CELSR1: variants seen among roughly 807,000 people sequenced by gnomAD.
The protein encoded by CELSR1 is adhesion G protein-coupled receptor C1.
Under a neutral mutation model 249.1 loss-of-function variants are expected in CELSR1, and 110 were observed. The observed-to-expected ratio is 0.44, with a 90% CI of 0.38 to 0.52. CELSR1 has a LOEUF of 0.52. Among genes scored for constraint, CELSR1 ranks in the 20% least tolerant of loss-of-function variants. The pLI is 0.00. For synonymous variants in CELSR1, 2,113 were observed against 1,900.0 expected (o/e 1.11, Z -2.92); for missense variants, 4,109 against 4,296.4 (o/e 0.96, Z 1.22).
chr22:46,523,716 T>C (rs1368612341), intron 1 of CELSR1, among the ~76,000 whole-genome samples: 4 of 152,104 alleles, frequency 2.6e-5, no homozygotes, highest in African/African-American at 7.2e-5. Flanking sequence ...GCCCCTGCTC[T>C]GAGCAGGCTC....
In CELSR1 at chr22:46,374,814, C is replaced by G. The variant is rs1001849864; in HGVS notation, c.7585-1757G>C. 6.6e-6 allele frequency among the ~76,000 whole-genome samples: 1 copy of G among 152,156 alleles called. No homozygotes were observed. Among genetic ancestry groups the G allele is most frequent in the Non-Finnish European group, 1.5e-5 (1 of 68,038 alleles). ...AACGTGCCCATTGCGGGGATGCGCCCGGCTGCGGATGTGAAGAAACCCCTC... is the reference window on the plus strand; with the variant it reads ...AACGTGCCCATTGCGGGGATGCGCCGGGCTGCGGATGTGAAGAAACCCCTC... On this transcript the variant is annotated intron_variant, in intron 24 of 34. Coordinates refer to ENST00000674500, the MANE Select transcript of CELSR1 (RefSeq NM_001378328.1). This position sits in a 1 kb window ranked among gnomAD's most constrained non-coding sequence, Gnocchi z 4.3.
intron 5 of CELSR1, among the ~76,000 whole-genome samples, chr22:46,420,983 C>T (rs1472607965): frequency 3.3e-5 from 5 of 152,076 alleles, no homozygotes; most frequent in Admixed American, 6.6e-5. Flanking sequence ...CCCAGAGCAG[C>T]GGATACACGG....
intron 1 of CELSR1, among the ~76,000 whole-genome samples, chr22:46,529,482 G>A (rs1004146654): frequency 6.6e-6 from 1 of 151,382 alleles, no homozygotes; most frequent in Non-Finnish European, 1.5e-5. Context: ...GAAGGTGGAT[G>A]GTCAATGGGT....
chr22:46,487,060 TCCC>T (rs2080320126), intron 1 of CELSR1, among the ~76,000 whole-genome samples: 1 of 135,650 alleles, frequency 7.4e-6, no homozygotes, highest in African/African-American at 2.8e-5. Flanking sequence ...CCACTCCCAC[TCCC>T]ACTTCCACAC....
At position 46,391,911 on chromosome 22, in the gene CELSR1, G is replaced by A. The variant is rs746668326; in HGVS notation, c.5965-95C>T. 9 of 1,336,348 alleles carry A rather than the reference G, an allele frequency of 6.7e-6. No homozygotes were observed. The highest frequency in any genetic ancestry group is 2.6e-5 in the Admixed American group (1 of 38,276). The allele number at this position is 1,336,348 out of a possible 1,614,324, so 82.8% of individuals were successfully genotyped here. A position where few individuals can be genotyped will look rare whatever the true frequency, so the allele number is the denominator to read the frequency against. On this transcript the variant is annotated intron_variant, in intron 14 of 34. Transcript: ENST00000674500. This position sits in a 1 kb window ranked among gnomAD's most constrained non-coding sequence, Gnocchi z 4.3. Reference sequence around the variant, plus strand: ...CCGAGCGACGTCCAGACTCCCACCCGGGTGTGTGTGTTGGCCGCCAGCCAT... The same window carrying A: ...CCGAGCGACGTCCAGACTCCCACCCAGGTGTGTGTGTTGGCCGCCAGCCAT...
chr22:46,385,481 G>A (rs8142527), intron 19 of CELSR1, among the ~76,000 whole-genome samples: 257 of 152,144 alleles, frequency 1.7e-3, no homozygotes, highest in Middle Eastern at 3.4e-3. Context: ...CTGGAGTGAG[G>A]CGGGGTCCTC....
Position 46,436,075 on chromosome 22 carries a change from G to T in CELSR1, c.4522+99C>A. On this transcript the variant is annotated intron_variant, in intron 4 of 34. Transcript: ENST00000674500. This position sits in a 1 kb window ranked among gnomAD's most constrained non-coding sequence, Gnocchi z 5.9. Reference sequence around the variant, plus strand: ...AGACCTACAAGTGAGGGATGAAAGGGTAAGCAGCTTGGAGGCGCTGCACAG... The same window carrying T: ...AGACCTACAAGTGAGGGATGAAAGGTTAAGCAGCTTGGAGGCGCTGCACAG... The T allele has an allele frequency of 2.4e-6, 2 of 845,558 alleles. No individual in the cohort carries two copies. Among genetic ancestry groups the T allele is most frequent in the South Asian group, 3.1e-5 (2 of 63,908 alleles). 52.4% of individuals were successfully genotyped at this position (845,558 alleles called of 1,614,324 possible).
In CELSR1 at chr22:46,484,062, C is replaced by T. The variant is rs182235682; in HGVS notation, c.3545-19717G>A. Among the ~76,000 whole-genome samples, 177 of 152,334 alleles carry T rather than the reference C, an allele frequency of 1.2e-3. No homozygotes were observed. The highest frequency in any genetic ancestry group is 4.3e-3 in the African/African-American group (177 of 41,568). On this transcript the variant is annotated intron_variant, in intron 1 of 34. Transcript: ENST00000674500. This position sits in a 1 kb window ranked among gnomAD's most constrained non-coding sequence, Gnocchi z 4.5. The stretch of plus-strand genomic sequence containing the variant: ...AGCACAGAACATTCCCAGGCTCCCA[C>T]GGGCTCCCACGCTCTGCCCTGGCTC...
Position 46,409,611 on chromosome 22 carries a change from G to T in CELSR1, c.5059+144C>A. Reference sequence around the variant, plus strand: ...AGGACAGTCTCTTGGAGAGGGCGGTGTGAGTCCACAGTAAATGCAGCATAT... The same window carrying T: ...AGGACAGTCTCTTGGAGAGGGCGGTTTGAGTCCACAGTAAATGCAGCATAT... On this transcript the variant is annotated intron_variant, in intron 8 of 34. Coordinates refer to ENST00000674500, the MANE Select transcript of CELSR1 (RefSeq NM_001378328.1). The surrounding 1 kb of genome is among the most constrained non-coding windows in gnomAD (Gnocchi z 9.8). The T allele has an allele frequency of 1.0e-6, 1 of 968,246 alleles. No individual in the cohort carries two copies. Among genetic ancestry groups the T allele is most frequent in the Non-Finnish European group, 1.6e-6 (1 of 645,082 alleles). 60.0% of individuals were successfully genotyped at this position (968,246 alleles called of 1,614,324 possible).
rs1382676406 is a variant in CELSR1 at position 46,406,357 on chromosome 22, C to A, written c.5226+2639G>T. Among the ~76,000 whole-genome samples, 1 of 152,220 alleles carries A rather than the reference C, an allele frequency of 6.6e-6. No homozygotes were observed. The highest frequency in any genetic ancestry group is 1.9e-4 in the East Asian group (1 of 5,194). On this transcript the variant is annotated intron_variant, in intron 9 of 34. Coordinates refer to ENST00000674500, the MANE Select transcript of CELSR1 (RefSeq NM_001378328.1). The surrounding 1 kb of genome is among the most constrained non-coding windows in gnomAD (Gnocchi z 5.4). Reference sequence around the variant, plus strand: ...CAGCTGTAATCATCCCTGGCGCACACCACACCTTCCAGGCAATCCGAGAGG... The same window carrying A: ...CAGCTGTAATCATCCCTGGCGCACAACACACCTTCCAGGCAATCCGAGAGG...
Position 46,423,705 on chromosome 22 carries a change from G to A in CELSR1, c.4611+9688C>T, listed in dbSNP as rs1321776943. Among the ~76,000 whole-genome samples, 1 of 151,928 alleles carries A rather than the reference G, an allele frequency of 6.6e-6. No homozygotes were observed. The highest frequency in any genetic ancestry group is 1.5e-5 in the Non-Finnish European group (1 of 67,982). On this transcript the variant is annotated intron_variant, in intron 5 of 34. Transcript: ENST00000674500. The surrounding 1 kb of genome is among the most constrained non-coding windows in gnomAD (Gnocchi z 5.6). ...TAACAAGTATGGGCCGGGTGCGGTG[G>A]CTCACGCCTATAATCCAGCACTTTG... is the stretch of plus-strand genomic sequence containing the variant.
At chr22:46,494,992 T>C (rs1191171017) in intron 1 of CELSR1, among the ~76,000 whole-genome samples, 1 of 152,260 alleles carries the variant, frequency 6.6e-6, no homozygotes, top group African/African-American at 2.4e-5. Context: ...GAAAACATTC[T>C]GAGAAATGCG....
intron 1 of CELSR1, among the ~76,000 whole-genome samples, chr22:46,465,769 A>G (rs2080090044): frequency 6.6e-6 from 1 of 152,248 alleles, no homozygotes; most frequent in African/African-American, 2.4e-5. Context: ...AGTGGACCCA[A>G]GATCCCAAGA....
In CELSR1 at chr22:46,535,704, G is replaced by T; in HGVS notation, c.1467C>A (p.Gly489=). 1 of 1,612,888 alleles carries T rather than the reference G, an allele frequency of 6.2e-7. No individual in the cohort carries two copies. Among genetic ancestry groups the T allele is most frequent in the Admixed American group, 1.7e-5 (1 of 60,026 alleles). The change falls in exon 1 of 35, where the codon GGC becomes GGA. Residue 489 remains glycine (G), a synonymous_variant. Transcript: ENST00000674500. ...LRVQATDRDQ[G]QNAAIHYSIL... ...TGCTGTAGTGAATGGCCGCGTTCTG[G>T]CCCTGGTCCCGGTCCGTGGCCTGCA... is the stretch of plus-strand genomic sequence containing the variant.
chr22:46,504,025 T>G (rs1284647155), intron 1 of CELSR1, among the ~76,000 whole-genome samples: 1 of 152,080 alleles, frequency 6.6e-6, no homozygotes, highest in African/African-American at 2.4e-5. Context: ...GAGCAAGACC[T>G]TGTCTCAAGA....
rs2079213942 is a variant in CELSR1, at chr22:46,401,871, G to A, written c.5227-1969C>T. 6.6e-6 allele frequency among the ~76,000 whole-genome samples: 1 copy of A among 152,122 alleles called. No individual in the cohort carries two copies. The highest frequency in any genetic ancestry group is 2.4e-5 in the African/African-American group (1 of 41,422). On this transcript the variant is annotated intron_variant, in intron 9 of 34. Transcript: ENST00000674500. The surrounding 1 kb of genome is among the most constrained non-coding windows in gnomAD (Gnocchi z 4.7). ...GGAGACCAAGGCGGGTGGATCACCT[G>A]AGGTCAGGAGTTTGAGACCAGCCTG...
chr22:46,496,087 G>A (rs554662492), intron 1 of CELSR1, among the ~76,000 whole-genome samples: 6 of 151,210 alleles, frequency 4.0e-5, no homozygotes, highest in East Asian at 3.9e-4. Flanking sequence ...CTAGCTACTC[G>A]GGAGGCTGAG....
chr22:46,422,517 G>A (rs577124003), intron 5 of CELSR1, among the ~76,000 whole-genome samples: 64 of 151,594 alleles, frequency 4.2e-4, no homozygotes, highest in South Asian at 8.3e-4. Flanking sequence ...GGCGGATCAC[G>A]AGGTCAGGTG....
chr22:46,365,621 G>T lies in CELSR1; in HGVS notation c.8369C>A (p.Ala2790Glu). Residue 2790 changes from alanine to glutamate, a missense_variant, in exon 31 of 35, where the codon GCG becomes GAG. Around this residue, in one of 7 missense-constraint regions of CELSR1, gnomAD observed 1,805 missense variants for 1,831.6 expected, o/e 0.99. Transcript: ENST00000674500. ...CTTGCAGCTCCTGGGCATGAGGGAC[G>T]CGTCTGGCTCTCCGTGGCTGCCCCT... ...LVRGSHGEPD[A>E]SLMPRSCKDP... 1.9e-6 allele frequency: 3 copies of T among 1,594,470 alleles called. No homozygotes were observed. Among genetic ancestry groups the T allele is most frequent in the Non-Finnish European group, 2.6e-6 (3 of 1,171,272 alleles).
Sources: gnomAD v4.1 joint callset for allele counts (sites outside exome capture counted in the v4.1 genomes callset) on GRCh38, gnomAD v4.1.1 for gene constraint, gnomAD v4.1.1 regional missense constraint, Gnocchi (gnomAD v3.1) non-coding constraint, MANE v1.5 for transcripts, NCBI Gene and HGNC (gene_info 2026-07-23, HGNC 2026-07-21) for gene names.